SMIM45: variants seen among roughly 807,000 people sequenced by gnomAD.
The protein encoded by SMIM45 is small integral membrane protein 45.
chr22:41,947,168 G>C, the SMIM45 span: 2 of 1,258,134 alleles, frequency 1.6e-6, no homozygotes, highest in Non-Finnish European at 2.3e-6. Flanking sequence ...CTGGGGGCAC[G>C]TGCCTCCTTA....
the SMIM45 span, among the ~76,000 whole-genome samples, chr22:41,955,787 C>T: frequency 2.4e-5 from 3 of 125,738 alleles, no homozygotes; most frequent in African/African-American, 9.6e-5. Context: ...GCCTGGGTGA[C>T]AGAGCAAGAC....
chr22:41,956,946 A>G, the SMIM45 span, among the ~76,000 whole-genome samples: 1 of 152,046 alleles, frequency 6.6e-6, no homozygotes, highest in African/African-American at 2.4e-5. Flanking sequence ...ATGCCCGGCT[A>G]ATTTTTGTAT....
chr22:41,950,861 G>A, the SMIM45 span, among the ~76,000 whole-genome samples: 1 of 152,114 alleles, frequency 6.6e-6, no homozygotes, highest in African/African-American at 2.4e-5. Context: ...GCATGGTGGT[G>A]CCCACCTGTA....
the SMIM45 span, among the ~76,000 whole-genome samples, chr22:41,955,765 C>T: frequency 6.9e-6 from 1 of 145,144 alleles, no homozygotes; most frequent in African/African-American, 2.6e-5. Context: ...GAGATGGCGC[C>T]ACTGCATTCC....
chr22:41,953,421 C>G, the SMIM45 span, among the ~76,000 whole-genome samples: 1 of 152,352 alleles, frequency 6.6e-6, no homozygotes, highest in East Asian at 1.9e-4. Context: ...GCCTTTCCCT[C>G]CCCTGGAGGA....
the SMIM45 span, chr22:41,958,757 A>C: frequency 5.6e-6 from 1 of 179,220 alleles, no homozygotes; most frequent in Non-Finnish European, 1.2e-5. Context: ...CTGGGGCCAA[A>C]CCCAGCCCCC....
the SMIM45 span, chr22:41,958,401 G>A: frequency 2.2e-6 from 1 of 456,568 alleles, no homozygotes; most frequent in Non-Finnish European, 4.4e-6. Context: ...CGCACCCCGC[G>A]GGGCTCAGGC....
At chr22:41,955,501 C>T in the SMIM45 span, among the ~76,000 whole-genome samples, 1 of 151,148 alleles carries the variant, frequency 6.6e-6, no homozygotes, top group Non-Finnish European at 1.5e-5. Flanking sequence ...TAGGCATTGT[C>T]TTGTTAAAAC....
At chr22:41,947,234 T>C in the SMIM45 span, 628 of 645,868 alleles carry the variant, frequency 9.7e-4, 5 homozygotes, top group African/African-American at 9.0e-3. Flanking sequence ...AACCTTTATC[T>C]CCTTTTCTGA....
chr22:41,952,671 G>A, the SMIM45 span, among the ~76,000 whole-genome samples: 2 of 152,212 alleles, frequency 1.3e-5, no homozygotes, highest in African/African-American at 4.8e-5. Flanking sequence ...TTTCCACCTA[G>A]GTCAGTTCCC....
At chr22:41,955,942 T>C in the SMIM45 span, among the ~76,000 whole-genome samples, 3 of 152,138 alleles carry the variant, frequency 2.0e-5, no homozygotes, top group Non-Finnish European at 4.4e-5. Context: ...TGCCAGGCAC[T>C]GGTTCTGAAT....
chr22:41,954,596 C>T, the SMIM45 span, among the ~76,000 whole-genome samples: 1 of 152,208 alleles, frequency 6.6e-6, no homozygotes, highest in African/African-American at 2.4e-5. Context: ...ATGAGGACTG[C>T]ATAATGTGCA....
At chr22:41,955,473 T>C in the SMIM45 span, among the ~76,000 whole-genome samples, 43,896 of 151,706 alleles carry the variant, frequency 0.29, 7,820 homozygotes, top group African/African-American at 0.5. Context: ...GCCATTGGCC[T>C]GGTTGCAAAA....
chr22:41,947,164 G>C, the SMIM45 span: 2 of 1,299,744 alleles, frequency 1.5e-6, no homozygotes, highest in Non-Finnish European at 2.2e-6. Context: ...CGGCCTGGGG[G>C]CACGTGCCTC....
chr22:41,951,711 G>A, the SMIM45 span, among the ~76,000 whole-genome samples: 1 of 152,156 alleles, frequency 6.6e-6, no homozygotes, highest in African/African-American at 2.4e-5. Flanking sequence ...ACAGTGTCTG[G>A]TGCATAGGAA....
At chr22:41,957,963 G>A in the SMIM45 span, 1 of 20,194 alleles carries the variant, frequency 5.0e-5, no homozygotes, top group Non-Finnish European at 8.8e-5. Flanking sequence ...CGCCCAGCCC[G>A]GAGACCCCCA....
the SMIM45 span, chr22:41,957,907 G>C: frequency 6.0e-6 from 1 of 165,524 alleles, no homozygotes; most frequent in East Asian, 1.7e-4. Flanking sequence ...ACTTGCAAAG[G>C]GGATAGGCGG....
chr22:41,951,416 G>A, the SMIM45 span, among the ~76,000 whole-genome samples: 3 of 152,216 alleles, frequency 2.0e-5, no homozygotes. Flanking sequence ...AAGGCCAGCA[G>A]CATCACCTCT....
At chr22:41,952,294 C>G in the SMIM45 span, 1 of 152,472 alleles carries the variant, frequency 6.6e-6, no homozygotes, top group Non-Finnish European at 1.5e-5. Flanking sequence ...GCACCCAGGG[C>G]GGCCGCAGAT....
Sources: allele counts gnomAD v4.1 joint callset (sites outside exome capture counted in the v4.1 genomes callset), GRCh38; gene constraint gnomAD v4.1.1; transcripts MANE v1.5; gene names NCBI Gene and HGNC (gene_info 2026-07-23, HGNC 2026-07-21).